The following TMEM164 variants were observed in gnomAD, a reference collection of about 807,000 sequenced individuals.
TMEM164 encodes the protein RP13-360B22.2.
In TMEM164, 4 loss-of-function variants were observed where a neutral mutation model predicts 18.8. The observed-to-expected ratio is 0.21, with a 90% confidence interval of 0.10 to 0.49. The LOEUF (loss-of-function observed/expected upper bound fraction) is 0.49. Among genes scored for constraint, TMEM164 ranks in the 20% least tolerant of loss-of-function variants. The pLI is 0.98. For synonymous variants in TMEM164, 86 were observed against 101.7 expected (o/e 0.85, Z 0.93); for missense variants, 108 against 239.9 (o/e 0.45, Z 3.63).
At chrX:110,036,195 C>T (rs970037385) in intron 2 of TMEM164, among the ~76,000 whole-genome samples, 4 of 111,770 alleles carry the variant, frequency 3.6e-5, no homozygotes, top group Non-Finnish European at 7.5e-5. Context: ...GTACCTTGGG[C>T]CCTAACTTGC....
chrX:110,127,499 G>A (rs1569341187), intron 4 of TMEM164, among the ~76,000 whole-genome samples: 1 of 111,838 alleles, frequency 8.9e-6, no homozygotes, highest in Non-Finnish European at 1.9e-5. Context: ...GGCAACAAGA[G>A]CAAAACTCCG....
intron 2 of TMEM164, among the ~76,000 whole-genome samples, chrX:110,039,445 C>T (rs1040150698): frequency 3.6e-5 from 4 of 112,577 alleles, no homozygotes; most frequent in South Asian, 3.6e-4. Flanking sequence ...AACTCGAGAG[C>T]GGCCTTTGCC....
chrX:110,048,832 AGAG>A (rs1206335481), intron 2 of TMEM164, among the ~76,000 whole-genome samples: 1 of 111,161 alleles, frequency 9.0e-6, no homozygotes, highest in African/African-American at 3.3e-5. Context: ...CTGGGCCTGG[AGAG>A]GAGGAGCTAG....
chrX:110,136,834 T>C (rs2066698090), intron 4 of TMEM164, among the ~76,000 whole-genome samples: 1 of 111,717 alleles, frequency 9.0e-6, no homozygotes, highest in Admixed American at 9.5e-5. Context: ...CCCTGTCCAC[T>C]GGCTCCTTCC....
intron 2 of TMEM164, among the ~76,000 whole-genome samples, chrX:110,004,960 A>G (rs751233942): frequency 1.8e-5 from 2 of 112,424 alleles, no homozygotes; most frequent in Non-Finnish European, 3.8e-5. Context: ...TGAAAAGGCA[A>G]GTTGCCAGAT....
chrX:110,016,073 G>A (rs1180501635), intron 2 of TMEM164, among the ~76,000 whole-genome samples: 1 of 112,479 alleles, frequency 8.9e-6, no homozygotes, highest in Non-Finnish European at 1.9e-5. Context: ...AGGGTCTGCT[G>A]ACCGGCTGGG....
intron 4 of TMEM164, among the ~76,000 whole-genome samples, chrX:110,139,485 C>T (rs908958101): frequency 4.7e-4 from 52 of 111,609 alleles, no homozygotes; most frequent in African/African-American, 1.6e-3. Context: ...AAATAGTGGC[C>T]TGGGAGAGAG....
Position 110,173,447 on chromosome X carries a change from A to T in TMEM164, c.890A>T (p.Asp297Val). 8.4e-7 allele frequency: 1 copy of T among 1,191,319 alleles called. No individual in the cohort carries two copies. ...DLLRLPAKKID is the reference protein window; with the variant it reads ...DLLRLPAKKIV ...CTCCGGCTTCCAGCCAAGAAAATAG[A>T]CTGAAGGTGCTTATTTTTTTTTTTT... Residue 297 changes from aspartate to valine, a missense_variant, in exon 7 of 7, where the codon GAC becomes GTC. By Grantham distance (152) the Asp-to-Val change is radical. Transcript: ENST00000372068.
chrX:110,116,822 TTGTGTGTGTGTGTGTG>T (rs560695330), intron 4 of TMEM164, among the ~76,000 whole-genome samples: 2 of 97,016 alleles, frequency 2.1e-5, no homozygotes, highest in Non-Finnish European at 4.2e-5. Context: ...GGCCACTCCC[TTGTGTGTGTGTGTGTG>T]TGTGTGTGTG....
intron 3 of TMEM164, among the ~76,000 whole-genome samples, chrX:110,071,362 T>G (rs1411044283): frequency 9.1e-6 from 1 of 109,831 alleles, no homozygotes; most frequent in African/African-American, 3.3e-5. Flanking sequence ...TCTACATCTA[T>G]TGGTCATGTG....
intron 3 of TMEM164, among the ~76,000 whole-genome samples, chrX:110,096,792 G>C (rs1021203036): frequency 1.8e-5 from 2 of 111,693 alleles, no homozygotes; most frequent in Non-Finnish European, 3.8e-5. Context: ...GATGGGAGCT[G>C]TTCCTATTCA....
chrX:110,003,689 A>G lies in TMEM164; in HGVS notation c.-86A>G, dbSNP rs1414642089. 1 of 1,071,897 alleles carries G rather than the reference A, an allele frequency of 9.3e-7. No individual in the cohort carries two copies. The allele number at this position is 1,071,897 out of a possible 1,213,427, so 88.3% of individuals were successfully genotyped here. A position where few individuals can be genotyped will look rare whatever the true frequency, so the allele number is the denominator to read the frequency against. On this transcript the variant is annotated 5_prime_UTR_variant, in exon 2 of 7. An upstream start codon of the reference 5' UTR is lost. Transcript: ENST00000372068. ...GGTTGTGGGGGTGTGCCCGCCTTACATGGTCCACCACCCGGGCAACCCTCT... is the reference window on the plus strand; with the variant it reads ...GGTTGTGGGGGTGTGCCCGCCTTACGTGGTCCACCACCCGGGCAACCCTCT...
At chrX:110,029,863 T>C (rs1295619954) in intron 2 of TMEM164, among the ~76,000 whole-genome samples, 2 of 111,178 alleles carry the variant, frequency 1.8e-5, no homozygotes, top group Non-Finnish European at 3.8e-5. Context: ...AGAGTTTCAA[T>C]GAAGGGGGAG....
At chrX:110,061,917 A>T (rs747572430) in intron 2 of TMEM164, among the ~76,000 whole-genome samples, 2 of 111,830 alleles carry the variant, frequency 1.8e-5, no homozygotes, top group Non-Finnish European at 3.8e-5. Context: ...AGGGAATAGG[A>T]TTAGCAAAGG....
chrX:110,160,101 T>G (rs1201689903), intron 5 of TMEM164, among the ~76,000 whole-genome samples: 1 of 111,973 alleles, frequency 8.9e-6, no homozygotes. Context: ...GGAGTTCCCC[T>G]CTCTTCATCC....
At chrX:110,027,715 A>G (rs1934269171) in intron 2 of TMEM164, among the ~76,000 whole-genome samples, 1 of 110,741 alleles carries the variant, frequency 9.0e-6, no homozygotes, top group South Asian at 3.8e-4. Flanking sequence ...AGCCGAGGTC[A>G]TGCCACTGCA....
At position 110,003,933 on chromosome X, in the gene TMEM164, C is replaced by G. The variant is rs986580010; in HGVS notation, c.159C>G (p.Ile53Met). ...TCCTGACCCTGGCTCTGTTGGAGAT[C>G]CTGGTGGCCCTGCGGCACATCCTGA... is the stretch of plus-strand genomic sequence containing the variant. ...VVVLTLALLE[I>M]LVALRHILRQ... Residue 53 changes from isoleucine (I) to methionine (M), a missense_variant, in exon 2 of 7, where the codon ATC becomes ATG. By Grantham distance (10) the Ile-to-Met change is conservative. Transcript: ENST00000372068. The G allele has an allele frequency of 9.1e-6, 11 of 1,211,376 alleles. No individual in the cohort carries two copies. Among genetic ancestry groups the G allele is most frequent in the Non-Finnish European group, 1.1e-5 (10 of 895,410 alleles).
intron 4 of TMEM164, among the ~76,000 whole-genome samples, chrX:110,118,827 C>T (rs888949937): frequency 1.8e-5 from 2 of 111,635 alleles, no homozygotes; most frequent in Admixed American, 1.9e-4. Flanking sequence ...ACATTTGATT[C>T]ATTGTGAATT....
At position 110,109,075 on chromosome X, in the gene TMEM164, T is replaced by G. The variant is rs2066254967; in HGVS notation, c.441-5T>G. 2.5e-6 allele frequency: 3 copies of G among 1,210,057 alleles called. No individual in the cohort carries two copies. The Admixed American group carries it at 6.5e-5, about 26-fold the overall frequency. On this transcript the variant is annotated splice_polypyrimidine_tract_variant and splice_region_variant and intron_variant, in intron 3 of 6. Coordinates refer to ENST00000372068, the MANE Select transcript of TMEM164 (RefSeq NM_032227.4). ...GACCTGAACTTTATCTTTCTCCCCC[T>G]CTAGGCTACAGATGCACATGTTGAA...
Sources: gnomAD v4.1 joint callset for allele counts (sites outside exome capture counted in the v4.1 genomes callset) on GRCh38, gnomAD v4.1.1 for gene constraint, MANE v1.5 for transcripts, NCBI Gene and HGNC (gene_info 2026-07-23, HGNC 2026-07-21) for gene names.